The following TUBA8 variants were observed in gnomAD, a reference collection of about 807,000 sequenced individuals.
The protein encoded by TUBA8 is tubulin alpha 8, also known as tubulin alpha-8 chain.
In TUBA8, 29 loss-of-function variants were observed where a neutral mutation model predicts 34.7. That is an observed-to-expected ratio of 0.84 (90% CI 0.62 to 1.14). The LOEUF is 1.14. Ranked by LOEUF, TUBA8 falls within the 50% of genes most tolerant of loss-of-function variation. TUBA8 has a pLI of 0.00. For synonymous variants in TUBA8, 226 were observed against 231.2 expected, an observed-to-expected ratio of 0.98 and a Z score of 0.21; for missense variants, 541 against 599.2, an observed-to-expected ratio of 0.90 and a Z score of 1.01.
At chr22:18,117,771 T>G (rs970801686) in intron 1 of TUBA8, 19 of 112,810 alleles carry the variant, frequency 1.7e-4, no homozygotes, top group African/African-American at 7.2e-4. Flanking sequence ...TGAGACTCCG[T>G]CTCAAAAAAA....
In TUBA8 at chr22:18,126,057, C is replaced by T. The variant is rs979167512; in HGVS notation, c.376-297C>T. ...TTAAAATTTTTTGTAGATGCGAGGT[C>T]TCACTATGTTGCCCATGCTGGTTGT... On this transcript the variant is annotated intron_variant, in intron 3 of 4. Coordinates refer to ENST00000330423, the MANE Select transcript of TUBA8 (RefSeq NM_018943.3). This position sits in a 1 kb window ranked among gnomAD's most constrained non-coding sequence, Gnocchi z 4.0. The T allele has an allele frequency of 6.9e-6, 3 of 432,340 alleles. No homozygotes were observed. The highest frequency in any genetic ancestry group is 4.0e-5 in the African/African-American group (2 of 50,074). The allele number at this position is 432,340 out of a possible 1,614,324, so 26.8% of individuals were successfully genotyped here. A position where few individuals can be genotyped will look rare whatever the true frequency, so the allele number is the denominator to read the frequency against.
At chr22:18,112,041 C>T (rs1229851576) in intron 1 of TUBA8, 1 of 152,156 alleles carries the variant, frequency 6.6e-6, no homozygotes, top group Non-Finnish European at 1.5e-5. Flanking sequence ...GAACCTATTT[C>T]TGCCTGAGGA....
Position 18,119,642 on chromosome 22 carries a change from C to G in TUBA8, c.4-1837C>G, listed in dbSNP as rs902050339. 11 of 152,312 alleles carry G rather than the reference C, an allele frequency of 7.2e-5. No individual in the cohort carries two copies. Among genetic ancestry groups the G allele is most frequent in the African/African-American group, 2.7e-4 (11 of 41,440 alleles). The allele number at this position is 152,312 out of a possible 1,614,324, so 9.4% of individuals were successfully genotyped here. A position where few individuals can be genotyped will look rare whatever the true frequency, so the allele number is the denominator to read the frequency against. ...GCCCCACGCTCACCCCTGTGCTCAT[C>G]CTCCCTCAAGGCAAGGACCAGGTGT... On this transcript the variant is annotated intron_variant, in intron 1 of 4. Transcript: ENST00000330423. The surrounding 1 kb of genome is among the most constrained non-coding windows in gnomAD (Gnocchi z 5.9).
chr22:18,125,752 A>C (rs1176928770), intron 3 of TUBA8: 1 of 154,920 alleles, frequency 6.5e-6, no homozygotes, highest in East Asian at 1.9e-4. Context: ...GGGGCCCTCA[A>C]AGGGCAAAGT....
At chr22:18,120,229 T>A (rs1928106684) in intron 1 of TUBA8, 1 of 152,262 alleles carries the variant, frequency 6.6e-6, no homozygotes, top group Non-Finnish European at 1.5e-5. Flanking sequence ...ATTAATCCTG[T>A]CACCCAGGTA....
At chr22:18,130,774 C>T in intron 4 of TUBA8, 69 bp from the exon 5 acceptor site, 1 of 1,602,360 alleles carries the variant, frequency 6.2e-7, no homozygotes, top group Non-Finnish European at 8.5e-7. Flanking sequence ...CCAAGATGTC[C>T]CATCCTGAGT....
chr22:18,117,961 G>T (rs1928025999), intron 1 of TUBA8: 1 of 152,186 alleles, frequency 6.6e-6, no homozygotes, highest in South Asian at 2.1e-4. Flanking sequence ...GCTCAGTGAT[G>T]AGGGCTGAGT....
At chr22:18,123,968 C>T (rs1928237844) in intron 2 of TUBA8, 188 bp from the exon 3 acceptor site, 1 of 682,760 alleles carries the variant, frequency 1.5e-6, no homozygotes. Flanking sequence ...CAGGCCTTGG[C>T]TCTGTTAGTC....
At position 18,130,904 on chromosome 22, in the gene TUBA8, G is replaced by A. The variant is rs563622614; in HGVS notation, c.1118G>A (p.Arg373Gln). 2.9e-5 allele frequency: 47 copies of A among 1,614,126 alleles called. No homozygotes were observed. The highest frequency in any genetic ancestry group is 2.0e-4 in the South Asian group (18 of 91,074). The change falls in exon 5 of 5, where the codon CGG (arginine) becomes CAG (glutamine). Residue 373 changes from arginine to glutamine, a missense_variant. Physicochemically the swap from Arg to Gln is conservative, Grantham distance 43 (BLOSUM62 1). Transcript: ENST00000330423. ...GGGGGAGACCTGGCCAAGGTGCAGCGGGCCGTCTGCATGCTCAGCAACACC... is the reference window on the plus strand; with the variant it reads ...GGGGGAGACCTGGCCAAGGTGCAGCAGGCCGTCTGCATGCTCAGCAACACC... Reference protein sequence around the residue: ...VPGGDLAKVQRAVCMLSNTTA... With the variant: ...VPGGDLAKVQQAVCMLSNTTA...
intron 1 of TUBA8, chr22:18,116,589 G>C (rs1459430221): frequency 6.6e-6 from 1 of 152,190 alleles, no homozygotes; most frequent in African/African-American, 2.4e-5. Context: ...AACATCCCTG[G>C]TTATGATAGA....
Position 18,124,284 on chromosome 22 carries a change from C to T in TUBA8, c.355C>T (p.Leu119=). The T allele has an allele frequency of 6.2e-7, 1 of 1,614,036 alleles. No homozygotes were observed. Among genetic ancestry groups the T allele is most frequent in the Non-Finnish European group, 8.5e-7 (1 of 1,179,984 alleles). The change falls in exon 3 of 5, where the codon CTG becomes TTG. Residue 119 remains leucine (L), a synonymous_variant. Coordinates refer to ENST00000330423, the MANE Select transcript of TUBA8 (RefSeq NM_018943.3). The surrounding 1 kb of genome is among the most constrained non-coding windows in gnomAD (Gnocchi z 4.3). ...TVGKESIDLV[L]DRIRKLTDAC... is the part of the protein sequence containing the mutation. ...GGGCAAGGAGAGCATTGACCTGGTG[C>T]TGGACCGCATACGGAAGCTGGTAAG... is the stretch of plus-strand genomic sequence containing the variant.
At chr22:18,125,037 G>C (rs1335629430) in intron 3 of TUBA8, 1 of 152,232 alleles carries the variant, frequency 6.6e-6, no homozygotes, top group Non-Finnish European at 1.5e-5. Context: ...CCTCAAAGCT[G>C]TCTGTGGTCC....
At chr22:18,130,426 T>C in intron 4 of TUBA8, 1 of 198,906 alleles carries the variant, frequency 5.0e-6, no homozygotes, top group South Asian at 9.8e-5. Flanking sequence ...ACTTTTTTTT[T>C]TGTTTTGCTT....
Position 18,121,957 on chromosome 22 carries a change from G to T in TUBA8, c.226+256G>T, listed in dbSNP as rs749580064. 1 of 520,768 alleles carries T rather than the reference G, an allele frequency of 1.9e-6. No homozygotes were observed. The highest frequency in any genetic ancestry group is 3.5e-6 in the Non-Finnish European group (1 of 288,938). 32.3% of individuals were successfully genotyped at this position (520,768 alleles called of 1,614,324 possible). On this transcript the variant is annotated intron_variant, in intron 2 of 4. Coordinates refer to ENST00000330423, the MANE Select transcript of TUBA8 (RefSeq NM_018943.3). The surrounding 1 kb of genome is among the most constrained non-coding windows in gnomAD (Gnocchi z 4.8). ...AAACCTGCGGCACCAGGTCAAAATG[G>T]TCACATCGCTACTAAATACTAAGGA... is the stretch of plus-strand genomic sequence containing the variant.
In TUBA8 at chr22:18,126,936, C is replaced by T. The variant is rs140202346; in HGVS notation, c.958C>T (p.Arg320Trp). 848 of 1,612,708 alleles carry T rather than the reference C, an allele frequency of 5.3e-4. No homozygotes were observed. The highest frequency in any genetic ancestry group is 5.6e-4 in the South Asian group (51 of 90,852). Reference sequence around the variant, plus strand: ...GTACATGGCCTGCTGCATGCTCTACCGGGGCGACGTGGTGCCCAAGGATGT... The same window carrying T: ...GTACATGGCCTGCTGCATGCTCTACTGGGGCGACGTGGTGCCCAAGGATGT... ...GKYMACCMLY[R>W]GDVVPKDVNV... The change falls in exon 4 of 5, where the codon CGG becomes TGG. Residue 320 changes from arginine to tryptophan, a missense_variant. By Grantham distance (101) the Arg-to-Trp change is moderately radical. Coordinates refer to ENST00000330423, the MANE Select transcript of TUBA8 (RefSeq NM_018943.3). This position sits in a 1 kb window ranked among gnomAD's most constrained non-coding sequence, Gnocchi z 4.0.
At chr22:18,129,799 G>C (rs1928438246) in intron 4 of TUBA8, 1 of 152,178 alleles carries the variant, frequency 6.6e-6, no homozygotes, top group African/African-American at 2.4e-5. Flanking sequence ...GGGAGAGGTG[G>C]CTGAGGACAT....
intron 4 of TUBA8, chr22:18,129,103 C>CA (rs1297215030): frequency 6.6e-6 from 1 of 152,168 alleles, no homozygotes; most frequent in Non-Finnish European, 1.5e-5. Context: ...AATTTCCCCC[C>CA]AAGACTATGC....
At chr22:18,112,050 G>A (rs1927829761) in intron 1 of TUBA8, 1 of 152,150 alleles carries the variant, frequency 6.6e-6, no homozygotes, top group Non-Finnish European at 1.5e-5. Context: ...TCTGCCTGAG[G>A]ACCCTGGTAT....
rs1003425034 is a variant in TUBA8 at position 18,124,677 on chromosome 22, G to A, written c.375+373G>A. 1 of 201,890 alleles carries A rather than the reference G, an allele frequency of 5.0e-6. No individual in the cohort carries two copies. The highest frequency in any genetic ancestry group is 5.2e-5 in the Admixed American group (1 of 19,174). The allele number at this position is 201,890 out of a possible 1,614,324, so 12.5% of individuals were successfully genotyped here. A position where few individuals can be genotyped will look rare whatever the true frequency, so the allele number is the denominator to read the frequency against. On this transcript the variant is annotated intron_variant, in intron 3 of 4. Coordinates refer to ENST00000330423, the MANE Select transcript of TUBA8 (RefSeq NM_018943.3). This position sits in a 1 kb window ranked among gnomAD's most constrained non-coding sequence, Gnocchi z 4.3. ...TGTTGATACATTTGGGCACTTACAA[G>A]TGCCATTACAGATGTTAAGCACATT...
Sources: allele counts gnomAD v4.1 joint callset, GRCh38; gene constraint gnomAD v4.1.1; non-coding constraint Gnocchi (gnomAD v3.1); transcripts MANE v1.5; gene names NCBI Gene and HGNC (gene_info 2026-07-23, HGNC 2026-07-21).